Variants in PSMD9 observed in about 807,000 individuals in gnomAD.
PSMD9 encodes proteasome 26S subunit, non-ATPase 9, also known as 26S proteasome non-ATPase regulatory subunit 9.
PSMD9 carries 26 observed loss-of-function variants against 25.9 expected under a neutral mutation model. The ratio of observed to expected loss-of-function variants is 1.00; its 90% CI spans 0.73 to 1.39. The LOEUF (loss-of-function observed/expected upper bound fraction) is 1.39, where lower values mean the gene tolerates loss of function less well. Ranked by LOEUF, PSMD9 falls within the 40% of genes most tolerant of loss-of-function variation. The probability of loss-of-function intolerance (pLI) is 0.00; values close to 1 mark genes in which losing one functional copy is unlikely to be tolerated. For missense variants in PSMD9, 303 were observed against 299.3 expected (o/e 1.01, Z -0.09); for synonymous variants, 110 against 114.5 (o/e 0.96, Z 0.25).
intron 4 of PSMD9, among the ~76,000 whole-genome samples, chr12:121,914,040 T>G (rs1272028262): frequency 6.6e-6 from 1 of 151,908 alleles, no homozygotes; most frequent in Non-Finnish European, 1.5e-5. Flanking sequence ...GGACTATAGG[T>G]GCACACCACC....
At chr12:121,892,475 C>T (rs1879112961) in intron 1 of PSMD9, among the ~76,000 whole-genome samples, 2 of 152,048 alleles carry the variant, frequency 1.3e-5, no homozygotes, top group South Asian at 2.1e-4. Flanking sequence ...CCGAGGCTGG[C>T]AGATCACGAG....
At chr12:121,904,624 T>G (rs1377324462) in intron 4 of PSMD9, among the ~76,000 whole-genome samples, 1 of 134,634 alleles carries the variant, frequency 7.4e-6, no homozygotes, top group Non-Finnish European at 1.7e-5. Context: ...TGTTTTTCCT[T>G]TAGTCCATCT....
chr12:121,888,833 T>C lies in PSMD9; in HGVS notation c.-24T>C, dbSNP rs1878960799. On this transcript the variant is annotated 5_prime_UTR_variant, in exon 1 of 6. Transcript: ENST00000541212. ...GTCCCTAGCCCGGGAGCCGGGTCTCTGGAGTCGCGGCCCGGGGTTCACGAT... is the reference window on the plus strand; with the variant it reads ...GTCCCTAGCCCGGGAGCCGGGTCTCCGGAGTCGCGGCCCGGGGTTCACGAT... 1.3e-6 allele frequency: 2 copies of C among 1,595,154 alleles called. No homozygotes were observed. The highest frequency in any genetic ancestry group is 1.7e-6 in the Non-Finnish European group (2 of 1,172,048).
At chr12:121,913,425 G>T (rs1485313796) in intron 4 of PSMD9, among the ~76,000 whole-genome samples, 1 of 151,752 alleles carries the variant, frequency 6.6e-6, no homozygotes, top group Non-Finnish European at 1.5e-5. Flanking sequence ...TTGAGGTATA[G>T]GAGTTCTTTA....
In PSMD9 at chr12:121,899,629, C is replaced by T. The variant is rs1879330195; in HGVS notation, c.242-5C>T. ...TTGGCCCCTGATGTGTGGTTCTCAT[C>T]CCAGGCCTGCAGAATGATCACAAGG... is the stretch of plus-strand genomic sequence containing the variant. On this transcript the variant is annotated splice_region_variant and splice_polypyrimidine_tract_variant and intron_variant, in intron 2 of 5. Coordinates refer to ENST00000541212, the MANE Select transcript of PSMD9 (RefSeq NM_002813.7). 3 of 1,595,336 alleles carry T rather than the reference C, an allele frequency of 1.9e-6. No individual in the cohort carries two copies. The highest frequency in any genetic ancestry group is 1.3e-5 in the African/African-American group (1 of 74,718).
At chr12:121,914,890 T>G (rs1879849548) in intron 4 of PSMD9, 1 of 152,020 alleles carries the variant, frequency 6.6e-6, no homozygotes, top group Admixed American at 6.6e-5. Flanking sequence ...GGTTAAAAAA[T>G]TAATGATATG....
intron 4 of PSMD9, chr12:121,910,799 T>G (rs1210324603): frequency 6.1e-6 from 2 of 326,248 alleles, no homozygotes; most frequent in Non-Finnish European, 1.2e-5. Context: ...TTAAAAAATC[T>G]ACACTTTAGT....
chr12:121,916,258 G>A (rs537195659), intron 5 of PSMD9, 26 bp from the exon 6 acceptor site: 10 of 1,613,908 alleles, frequency 6.2e-6, no homozygotes, highest in African/African-American at 2.7e-5. Context: ...CCAAACTTAC[G>A]CCATTCCTTT....
chr12:121,906,360 CT>C (rs1879553897), intron 4 of PSMD9, among the ~76,000 whole-genome samples: 2 of 151,912 alleles, frequency 1.3e-5, no homozygotes, highest in African/African-American at 4.8e-5. Context: ...GTTTGGTTGT[CT>C]GTTTTGTGAG....
chr12:121,915,506 T>G, intron 4 of PSMD9: 1 of 234,050 alleles, frequency 4.3e-6, no homozygotes, highest in Non-Finnish European at 8.3e-6. Flanking sequence ...ATTTCATTTG[T>G]ATGTCTCGCT....
intron 4 of PSMD9, among the ~76,000 whole-genome samples, chr12:121,903,428 G>C (rs7309914): frequency 6.6e-6 from 1 of 152,112 alleles, no homozygotes. Flanking sequence ...CATCACATTG[G>C]TGGTTAGGAT....
chr12:121,897,165 C>A (rs976692137), intron 2 of PSMD9: 2 of 152,256 alleles, frequency 1.3e-5, no homozygotes, highest in Admixed American at 6.5e-5. Flanking sequence ...GAGGCTGAGG[C>A]CTCCCAAATA....
intron 1 of PSMD9, among the ~76,000 whole-genome samples, chr12:121,892,306 G>A (rs1879107593): frequency 1.3e-5 from 2 of 152,206 alleles, no homozygotes; most frequent in Admixed American, 1.3e-4. Context: ...GCTCATGCCT[G>A]TAATCCCAGG....
intron 4 of PSMD9, 110 bp downstream of exon 4, chr12:121,903,217 G>T: frequency 9.8e-7 from 1 of 1,016,896 alleles, no homozygotes; most frequent in East Asian, 2.6e-5. Context: ...TCTGGAGGCA[G>T]GGAAGTCCAA....
intron 2 of PSMD9, among the ~76,000 whole-genome samples, chr12:121,895,543 G>T (rs549522156): frequency 1.3e-5 from 2 of 152,276 alleles, no homozygotes; most frequent in African/African-American, 4.8e-5. Context: ...TGGCAGGGCT[G>T]GCTCCTTCTG....
intron 2 of PSMD9, among the ~76,000 whole-genome samples, chr12:121,896,246 G>C (rs897095588): frequency 6.6e-6 from 1 of 152,118 alleles, no homozygotes; most frequent in Non-Finnish European, 1.5e-5. Flanking sequence ...AAGGCGGGCA[G>C]ATCACCTGAG....
At chr12:121,896,072 C>T (rs962590768) in intron 2 of PSMD9, among the ~76,000 whole-genome samples, 1 of 150,790 alleles carries the variant, frequency 6.6e-6, no homozygotes, top group Non-Finnish European at 1.5e-5. Context: ...GTGGCACGAT[C>T]TTGGCTCACT....
At chr12:121,913,401 T>C (rs1879796571) in intron 4 of PSMD9, among the ~76,000 whole-genome samples, 1 of 152,076 alleles carries the variant, frequency 6.6e-6, no homozygotes, top group Non-Finnish European at 1.5e-5. Flanking sequence ...TCTAATCAGA[T>C]TTTTTTGTTG....
chr12:121,909,684 C>T lies in PSMD9; in HGVS notation c.556-6172C>T, dbSNP rs1016324847. 7.2e-5 allele frequency among the ~76,000 whole-genome samples: 11 copies of T among 152,218 alleles called. No homozygotes were observed. In the East Asian group the frequency reaches 7.7e-4, roughly 11 times the overall value. On this transcript the variant is annotated intron_variant, in intron 4 of 5. Transcript: ENST00000541212. ...TAATGTACATGTTACTCTGCATTTCCGCCCACTTCGAAGGGAATTCCTTGT... is the reference window on the plus strand; with the variant it reads ...TAATGTACATGTTACTCTGCATTTCTGCCCACTTCGAAGGGAATTCCTTGT...
Sources: gnomAD v4.1 joint callset for allele counts (sites outside exome capture counted in the v4.1 genomes callset) on GRCh38, gnomAD v4.1.1 for gene constraint, MANE v1.5 for transcripts, NCBI Gene and HGNC (gene_info 2026-07-23, HGNC 2026-07-21) for gene names.